The following CEP135 variants were observed in gnomAD, a reference collection of about 807,000 sequenced individuals.
CEP135 encodes the protein centrosomal protein of 135 kDa.
In CEP135, 142 loss-of-function variants were observed where a neutral mutation model predicts 157.3. That is an observed-to-expected ratio of 0.90 (90% CI 0.79 to 1.04). CEP135 has a LOEUF of 1.04. CEP135 is among the 50% of genes least tolerant of loss of function. The probability of loss-of-function intolerance (pLI) is 0.00; values close to 1 mark genes in which losing one functional copy is unlikely to be tolerated. For synonymous variants in CEP135, 396 were observed against 439.8 expected, an observed-to-expected ratio of 0.90 and a Z score of 1.25; for missense variants, 1,317 against 1,309.2, an observed-to-expected ratio of 1.01 and a Z score of -0.09.
chr4:55,968,093 C>T (rs899429746), intron 8 of CEP135, among the ~76,000 whole-genome samples: 1 of 152,120 alleles, frequency 6.6e-6, no homozygotes, highest in South Asian at 2.1e-4. Context: ...ACACAAAAAT[C>T]AGATGTTTTT....
chr4:56,024,300 C>T (rs936809246), intron 24 of CEP135, among the ~76,000 whole-genome samples: 1 of 150,272 alleles, frequency 6.7e-6, no homozygotes, highest in Admixed American at 6.7e-5. Flanking sequence ...CAAGATGCTC[C>T]TCACTATATA....
intron 25 of CEP135, among the ~76,000 whole-genome samples, chr4:56,029,823 T>TA (rs1731283162): frequency 6.6e-6 from 1 of 152,184 alleles, no homozygotes; most frequent in Non-Finnish European, 1.5e-5. Context: ...ATAGGAGACT[T>TA]ACCACAAAGG....
At chr4:55,954,897 G>A (rs975091706) in intron 4 of CEP135, among the ~76,000 whole-genome samples, 1 of 152,056 alleles carries the variant, frequency 6.6e-6, no homozygotes, top group Non-Finnish European at 1.5e-5. Flanking sequence ...GTGTGGGAAC[G>A]TGATGAAACC....
At position 56,010,395 on chromosome 4, in the gene CEP135, ACT is replaced by A. The variant is rs560425129; in HGVS notation, c.2505+495_2505+496del. On this transcript the variant is annotated intron_variant, in intron 19 of 25. Coordinates refer to ENST00000257287, the MANE Select transcript of CEP135 (RefSeq NM_025009.5). ...AAAAAAAAATGGGCAACAGCGTGAG[ACT>A]CTGTCAAAAAAAAAACACATAGCTT... 9.3e-3 allele frequency among the ~76,000 whole-genome samples: 1,395 copies of A among 149,614 alleles called. 19 individuals are homozygous for A. Among genetic ancestry groups the A allele is most frequent in the Non-Finnish European group, 0.014 (935 of 67,570 alleles).
chr4:55,992,859 GC>G (rs957960330), intron 15 of CEP135, among the ~76,000 whole-genome samples: 42 of 152,222 alleles, frequency 2.8e-4, no homozygotes, highest in African/African-American at 9.9e-4. Context: ...GAAACAAAAG[GC>G]AAACAAAGCT....
intron 21 of CEP135, among the ~76,000 whole-genome samples, chr4:56,017,225 C>A (rs1243405264): frequency 6.6e-6 from 1 of 151,590 alleles, no homozygotes. Flanking sequence ...TTGAAGTAAA[C>A]CCCATTTTTG....
Position 55,953,205 on chromosome 4 carries a change from G to A in CEP135, c.234G>A (p.Leu78=), listed in dbSNP as rs200729714. 3 of 1,601,428 alleles carry A rather than the reference G, an allele frequency of 1.9e-6. No individual in the cohort carries two copies. In the East Asian group the frequency reaches 6.8e-5, roughly 36 times the overall value. Residue 78 remains leucine, a synonymous_variant, in exon 3 of 26, where the codon TTG becomes TTA. Coordinates refer to ENST00000257287, the MANE Select transcript of CEP135 (RefSeq NM_025009.5). ...LEPYKLENAR[L]SRENNELYLE... ...CCTATAAACTTGAAAATGCAAGATT[G>A]AGTAGAGAAAATAATGAATTATACC...
rs1728448030 is a variant in CEP135 at position 55,954,385 on chromosome 4, T to A, written c.472+2T>A. 6.3e-7 allele frequency: 1 copy of A among 1,585,640 alleles called. No homozygotes were observed. Among genetic ancestry groups the A allele is most frequent in the Admixed American group, 1.9e-5 (1 of 52,372 alleles). On this transcript the variant is annotated splice_donor_variant, in intron 4 of 25. Coordinates refer to ENST00000257287, the MANE Select transcript of CEP135 (RefSeq NM_025009.5). LOFTEE classifies it high-confidence loss of function. Reference sequence around the variant, plus strand: ...TGCATGCTGTAGTACAAACTCCAGGTAAATCGATTCCTTCTCGAGACAAAT... The same window carrying A: ...TGCATGCTGTAGTACAAACTCCAGGAAAATCGATTCCTTCTCGAGACAAAT...
chr4:55,999,690 GT>G (rs571897094), intron 17 of CEP135, 45 bp downstream of exon 17: 5 of 1,551,868 alleles, frequency 3.2e-6, no homozygotes, highest in South Asian at 1.3e-5. Flanking sequence ...AAACAGAACA[GT>G]TTTTTTTGTT....
intron 14 of CEP135, among the ~76,000 whole-genome samples, chr4:55,988,752 T>C (rs2109696674): frequency 6.7e-6 from 1 of 148,798 alleles, no homozygotes; most frequent in Non-Finnish European, 1.5e-5. Flanking sequence ...GGTCAGGAGA[T>C]CGAGACCATC....
Position 56,030,077 on chromosome 4 carries a change from A to G in CEP135, c.*12-1283A>G, listed in dbSNP as rs573363678. On this transcript the variant is annotated intron_variant, in intron 25 of 25. Transcript: ENST00000257287. ...TTTCTAAAAGCAATGACACAAACACACACATTATCCTAGGCCCACATAGAG... is the reference window on the plus strand; with the variant it reads ...TTTCTAAAAGCAATGACACAAACACGCACATTATCCTAGGCCCACATAGAG... Among the ~76,000 whole-genome samples, 4 of 152,310 alleles carry G rather than the reference A, an allele frequency of 2.6e-5. 1 individual carries two copies. In the East Asian group the frequency reaches 7.7e-4, roughly 29 times the overall value.
chr4:55,951,083 A>G (rs918635431), intron 1 of CEP135, among the ~76,000 whole-genome samples: 1 of 152,156 alleles, frequency 6.6e-6, no homozygotes, highest in African/African-American at 2.4e-5. Context: ...CATGCTGTTG[A>G]TGTGTATCAG....
Position 56,007,124 on chromosome 4 carries a change from TCTCAGGTGATCCACCTGC to T in CEP135, c.2281-1197_2281-1180del, listed in dbSNP as rs569941334. ...GGCCAGGCTGGTCTCGAACTCCTGA[TCTCAGGTGATCCACCTGC>T]CTCAGCCTCCCAAAGTGCTGGGATT... On this transcript the variant is annotated intron_variant, in intron 17 of 25. Transcript: ENST00000257287. Among the ~76,000 whole-genome samples, 45 of 152,148 alleles carry T rather than the reference TCTCAGGTGATCCACCTGC, an allele frequency of 3.0e-4. No individual in the cohort carries two copies. In the South Asian group the frequency reaches 8.7e-3, roughly 30 times the overall value.
intron 11 of CEP135, among the ~76,000 whole-genome samples, chr4:55,978,382 A>G (rs1464292761): frequency 1.3e-5 from 2 of 152,220 alleles, no homozygotes; most frequent in Non-Finnish European, 2.9e-5. Flanking sequence ...TCAAAATACT[A>G]TAAGAGTATA....
chr4:55,994,933 G>T (rs1350891238), intron 15 of CEP135, among the ~76,000 whole-genome samples: 1 of 152,090 alleles, frequency 6.6e-6, no homozygotes, highest in Admixed American at 6.6e-5. Context: ...TGATCCATCC[G>T]CCTGGGCCTC....
In CEP135 at chr4:55,968,938, T is replaced by A. The variant is rs11947889; in HGVS notation, c.1045-125T>A. 5,651 of 601,906 alleles carry A rather than the reference T, an allele frequency of 9.4e-3. 249 individuals carry two copies. In the African/African-American group the frequency reaches 0.096, roughly 10 times the overall value. The allele number at this position is 601,906 out of a possible 1,614,324, so 37.3% of individuals were successfully genotyped here. A position where few individuals can be genotyped will look rare whatever the true frequency, so the allele number is the denominator to read the frequency against. On this transcript the variant is annotated intron_variant, in intron 8 of 25. Coordinates refer to ENST00000257287, the MANE Select transcript of CEP135 (RefSeq NM_025009.5). ...GCCTCTTCGTTGAAATTGATAGGGA[T>A]AAAGCCTCAGATCTCACTGGTAAGA... is the stretch of plus-strand genomic sequence containing the variant.
intron 21 of CEP135, among the ~76,000 whole-genome samples, chr4:56,016,818 G>A (rs765790555): frequency 6.6e-6 from 1 of 151,912 alleles, no homozygotes. Flanking sequence ...AGGACTATAG[G>A]CATGTGCCAC....
intron 15 of CEP135, among the ~76,000 whole-genome samples, 184 bp from the exon 16 acceptor site, chr4:55,999,115 GAGA>G (rs1360070447): frequency 6.6e-6 from 1 of 152,110 alleles, no homozygotes; most frequent in East Asian, 1.9e-4. Flanking sequence ...AACCATTTTG[GAGA>G]AGAATAGTGG....
At chr4:56,027,802 G>A (rs536195718) in intron 25 of CEP135, among the ~76,000 whole-genome samples, 2 of 152,020 alleles carry the variant, frequency 1.3e-5, no homozygotes, top group South Asian at 2.1e-4. Context: ...CAATCCTCCC[G>A]CCTCAGCCTC....
Sources: gnomAD v4.1 joint callset for allele counts (sites outside exome capture counted in the v4.1 genomes callset) on GRCh38, gnomAD v4.1.1 for gene constraint, MANE v1.5 for transcripts, NCBI Gene and HGNC (gene_info 2026-07-23, HGNC 2026-07-21) for gene names.